The following NUFIP1 variants were observed in gnomAD, a reference collection of about 807,000 sequenced individuals.
The protein encoded by NUFIP1 is FMR1-interacting protein NUFIP1.
In NUFIP1, 38 loss-of-function variants were observed where a neutral mutation model predicts 56.2. The ratio of observed to expected loss-of-function variants is 0.68; its 90% CI spans 0.52 to 0.89. The LOEUF (loss-of-function observed/expected upper bound fraction) is 0.89. Ranked by LOEUF, NUFIP1 falls within the 40% of genes least tolerant of loss-of-function variation. NUFIP1 has a pLI of 0.00. For missense variants in NUFIP1, 567 were observed against 605.8 expected (o/e 0.94, Z 0.67); for synonymous variants, 215 against 212.4 (o/e 1.01, Z -0.10).
At chr13:44,947,634 G>A (rs1035272311) in intron 8 of NUFIP1, among the ~76,000 whole-genome samples, 1 of 152,098 alleles carries the variant, frequency 6.6e-6, no homozygotes, top group African/African-American at 2.4e-5. Flanking sequence ...AATGATGGCA[G>A]TCTCAAAATG....
rs775075603 is a variant in NUFIP1 at position 44,959,369 on chromosome 13, T to C, written c.1021+12A>G. 6.2e-7 allele frequency: 1 copy of C among 1,610,122 alleles called. No individual in the cohort carries two copies. Among genetic ancestry groups the C allele is most frequent in the Non-Finnish European group, 8.5e-7 (1 of 1,178,308 alleles). On this transcript the variant is annotated intron_variant, in intron 7 of 9. Coordinates refer to ENST00000379161, the MANE Select transcript of NUFIP1 (RefSeq NM_012345.3). ...TACACTTATAAATACGTTATTTTCC[T>C]GTTTAGCTTACCAGAATCACTGTTT...
rs760394133 is a variant in NUFIP1, at chr13:44,959,527, C to T, written c.875G>A (p.Ser292Asn). The change falls in exon 7 of 10, where the codon AGT becomes AAT. Residue 292 changes from serine (S) to asparagine (N), a missense_variant. Physicochemically the swap from Ser to Asn is conservative, Grantham distance 46. Coordinates refer to ENST00000379161, the MANE Select transcript of NUFIP1 (RefSeq NM_012345.3). ...TTTCCATTTGTGATTCTTGCCAGGACTTCTGATCTTTGCCATTTGTGAATG... is the reference window on the plus strand; with the variant it reads ...TTTCCATTTGTGATTCTTGCCAGGATTTCTGATCTTTGCCATTTGTGAATG... ...SRHSQMAKIR[S>N]PGKNHKWKND... The T allele has an allele frequency of 1.2e-6, 2 of 1,613,716 alleles. No individual in the cohort carries two copies. Among genetic ancestry groups the T allele is most frequent in the African/African-American group, 1.3e-5 (1 of 75,008 alleles).
chr13:44,964,740 T>C (rs769462102), intron 6 of NUFIP1, among the ~76,000 whole-genome samples: 1 of 152,066 alleles, frequency 6.6e-6, no homozygotes, highest in Non-Finnish European at 1.5e-5. Context: ...CCCAAAAGGA[T>C]CAGAGTTATC....
chr13:44,982,980 T>C (rs550874749), intron 1 of NUFIP1, among the ~76,000 whole-genome samples: 42 of 152,218 alleles, frequency 2.8e-4, no homozygotes, highest in African/African-American at 1.0e-3. Flanking sequence ...TACACTCCAG[T>C]CTAGGCAACA....
intron 7 of NUFIP1, among the ~76,000 whole-genome samples, chr13:44,951,429 T>C (rs1871080731): frequency 6.6e-6 from 1 of 152,294 alleles, no homozygotes; most frequent in East Asian, 1.9e-4. Flanking sequence ...TATAAATCAG[T>C]TGGGTCAAAT....
chr13:44,989,387 G>A lies in NUFIP1; in HGVS notation c.50C>T (p.Ser17Phe), dbSNP rs771422366. The A allele has an allele frequency of 3.1e-6, 5 of 1,613,616 alleles. No individual in the cohort carries two copies. The East Asian group carries it at 1.1e-4, about 36-fold the overall frequency. The change falls in exon 1 of 10, where the codon TCT becomes TTT. Residue 17 changes from serine (S) to phenylalanine (F), a missense_variant. Transcript: ENST00000379161. Reference sequence around the variant, plus strand: ...CCCTAACGTGGGAGTCAGCTCGGGAGACGCATGCCACCCGATAGGAGTCTC... The same window carrying A: ...CCCTAACGTGGGAGTCAGCTCGGGAAACGCATGCCACCCGATAGGAGTCTC... ...DFETPIGWHA[S>F]PELTPTLGPL...
At chr13:44,979,810 A>G in intron 4 of NUFIP1, 80 bp downstream of exon 4, 4 of 993,806 alleles carry the variant, frequency 4.0e-6, no homozygotes, top group Non-Finnish European at 6.0e-6. Context: ...ATTATTAGGT[A>G]TATAAATAAA....
chr13:44,979,283 T>C lies in NUFIP1; in HGVS notation c.658-17A>G, dbSNP rs953134213. On this transcript the variant is annotated splice_polypyrimidine_tract_variant and intron_variant, in intron 4 of 9. Coordinates refer to ENST00000379161, the MANE Select transcript of NUFIP1 (RefSeq NM_012345.3). ...AGCATGCATCTAGGGGGAAAAAGCC[T>C]GCTGAACATCAGGAGGCAATATCAT... 2 of 1,604,844 alleles carry C rather than the reference T, an allele frequency of 1.2e-6. No individual in the cohort carries two copies. Among genetic ancestry groups the C allele is most frequent in the Non-Finnish European group, 1.7e-6 (2 of 1,175,548 alleles).
intron 6 of NUFIP1, among the ~76,000 whole-genome samples, chr13:44,965,643 G>A (rs974370348): frequency 6.6e-6 from 1 of 152,126 alleles, no homozygotes; most frequent in Non-Finnish European, 1.5e-5. Context: ...GCAGTGAGCC[G>A]AGATGGCGCC....
At chr13:44,978,295 C>T (rs765499187) in intron 5 of NUFIP1, among the ~76,000 whole-genome samples, 4 of 152,124 alleles carry the variant, frequency 2.6e-5, no homozygotes, top group East Asian at 1.9e-4. Context: ...TAAACTAAGG[C>T]GAGCCAAGTA....
chr13:44,965,197 C>T (rs1871555389), intron 6 of NUFIP1, among the ~76,000 whole-genome samples: 1 of 152,198 alleles, frequency 6.6e-6, no homozygotes, highest in African/African-American at 2.4e-5. Flanking sequence ...GCTCTCCTGT[C>T]TCTGCCTGCT....
chr13:44,955,374 A>G (rs1458033480), intron 7 of NUFIP1, among the ~76,000 whole-genome samples: 2 of 152,184 alleles, frequency 1.3e-5, no homozygotes, highest in African/African-American at 2.4e-5. Context: ...CAAATACAAT[A>G]CAGAAAAGGT....
intron 1 of NUFIP1, among the ~76,000 whole-genome samples, chr13:44,988,099 T>G (rs1872483135): frequency 6.6e-6 from 1 of 152,172 alleles, no homozygotes; most frequent in South Asian, 2.1e-4. Flanking sequence ...TATGTCACCT[T>G]CCTTATGACT....
Position 44,980,771 on chromosome 13 carries a change from C to T in NUFIP1, c.545G>A (p.Gly182Asp), listed in dbSNP as rs1872159658. 1 of 1,603,856 alleles carries T rather than the reference C, an allele frequency of 6.2e-7. No homozygotes were observed. Among genetic ancestry groups the T allele is most frequent in the Non-Finnish European group, 8.5e-7 (1 of 1,178,084 alleles). The part of the protein sequence containing the change: ...FHFFCDTCDR[G>D]FKNQEKYDKH... ...GTCATACTTTTCTTGATTTTTAAAA[C>T]CACGATCACAGGTATCACAAAAAAA... The change falls in exon 3 of 10, where the codon GGT becomes GAT. Residue 182 changes from glycine (G) to aspartate (D), a missense_variant. Gly to Asp is a moderately conservative substitution (Grantham distance 94). Coordinates refer to ENST00000379161, the MANE Select transcript of NUFIP1 (RefSeq NM_012345.3).
chr13:44,963,412 T>C (rs956954428), intron 6 of NUFIP1, among the ~76,000 whole-genome samples: 1 of 152,238 alleles, frequency 6.6e-6, no homozygotes, highest in Non-Finnish European at 1.5e-5. Context: ...GCTAAATTCA[T>C]TTATAAAAGT....
intron 6 of NUFIP1, 124 bp from the exon 7 acceptor site, chr13:44,959,698 T>A: frequency 1.4e-6 from 1 of 730,810 alleles, no homozygotes; most frequent in Non-Finnish European, 2.2e-6. Flanking sequence ...CCTAGTACAT[T>A]AAAGAGACGA....
In NUFIP1 at chr13:44,948,811, G is replaced by A. The variant is rs372566657; in HGVS notation, c.1138+911C>T. Among the ~76,000 whole-genome samples, 119 of 152,242 alleles carry A rather than the reference G, an allele frequency of 7.8e-4. 6 individuals are homozygous for A. The South Asian group carries it at 0.023, about 29-fold the overall frequency. Reference sequence around the variant, plus strand: ...AATGAAGCCTCACACGTTACCATCCGTAACATCATCTTTAAAGGTAAGACA... The same window carrying A: ...AATGAAGCCTCACACGTTACCATCCATAACATCATCTTTAAAGGTAAGACA... On this transcript the variant is annotated intron_variant, in intron 8 of 9. Transcript: ENST00000379161.
intron 7 of NUFIP1, among the ~76,000 whole-genome samples, chr13:44,953,795 G>A (rs1871147123): frequency 6.6e-6 from 1 of 152,128 alleles, no homozygotes; most frequent in African/African-American, 2.4e-5. Flanking sequence ...CACAATTAGA[G>A]TGCTAGGTAT....
At position 44,943,485 on chromosome 13, in the gene NUFIP1, G is replaced by A. The variant is rs115794259; in HGVS notation, c.1328C>T (p.Thr443Met). The A allele has an allele frequency of 6.5e-5, 105 of 1,613,998 alleles. No individual in the cohort carries two copies. In the African/African-American group the frequency reaches 1.0e-3, roughly 16 times the overall value. ...ATGGTGTGTTCTTGGTTCGAATAAC[G>A]TTTGATAGTTGTGATAATCTTTTTT... ...KRKKDYHNYQ[T>M]LFEPRTHHPY... The change falls in exon 9 of 10, where the codon ACG (threonine) becomes ATG (methionine). Residue 443 changes from threonine to methionine, a missense_variant. Thr to Met is a moderately conservative substitution (Grantham distance 81, BLOSUM62 -1). Coordinates refer to ENST00000379161, the MANE Select transcript of NUFIP1 (RefSeq NM_012345.3).
Sources: allele counts gnomAD v4.1 joint callset (sites outside exome capture counted in the v4.1 genomes callset), GRCh38; gene constraint gnomAD v4.1.1; transcripts MANE v1.5; gene names NCBI Gene and HGNC (gene_info 2026-07-23, HGNC 2026-07-21).